CASQ1: variants seen among roughly 807,000 people sequenced by gnomAD.
The protein encoded by CASQ1 is calsequestrin 1.
A neutral mutation model predicts 49.5 loss-of-function variants in CASQ1; 40 were observed. The observed-to-expected ratio is 0.81, with a 90% CI of 0.63 to 1.05. The LOEUF (loss-of-function observed/expected upper bound fraction) is 1.05, where lower values mean the gene tolerates loss of function less well. CASQ1 is among the 50% of genes least tolerant of loss of function. CASQ1 has a pLI of 0.00. For synonymous variants in CASQ1, 174 were observed against 187.2 expected, an observed-to-expected ratio of 0.93 and a Z score of 0.58; for missense variants, 469 against 486.9, an observed-to-expected ratio of 0.96 and a Z score of 0.35.
chr1:160,193,978 A>G, intron 3 of CASQ1, 131 bp downstream of exon 3: 1 of 628,522 alleles, frequency 1.6e-6, no homozygotes, highest in South Asian at 1.7e-5. Context: ...CACACACACC[A>G]TACATACACC....
chr1:160,198,984 T>A lies in CASQ1; in HGVS notation c.915T>A (p.Ala305=), dbSNP rs2101677933. The change falls in exon 9 of 11, where the codon GCT becomes GCA. Residue 305 remains alanine, a synonymous_variant. Transcript: ENST00000368078. ...TCGAGTTCTTAGAGACTCTCAAGGC[T>A]GTGGCCCAAGATAACACTGAAAACC... The part of the protein sequence containing the change: ...DGFEFLETLK[A]VAQDNTENPD... The A allele has an allele frequency of 6.2e-7, 1 of 1,613,206 alleles. No homozygotes were observed. Among genetic ancestry groups the A allele is most frequent in the South Asian group, 1.1e-5 (1 of 91,062 alleles).
chr1:160,201,661 C>A lies in CASQ1; in HGVS notation c.*285C>A. On this transcript the variant is annotated 3_prime_UTR_variant, in exon 11 of 11. Coordinates refer to ENST00000368078, the MANE Select transcript of CASQ1 (RefSeq NM_001231.5). ...TCTTCCATCACTCTCCATACTCTTT[C>A]TTGTGATTCTCCTCTAGCCATATAT... The A allele has an allele frequency of 4.2e-6, 2 of 475,064 alleles. No individual in the cohort carries two copies. The highest frequency in any genetic ancestry group is 7.7e-6 in the Non-Finnish European group (2 of 258,854). The allele number at this position is 475,064 out of a possible 1,614,324, so 29.4% of individuals were successfully genotyped here. A position where few individuals can be genotyped will look rare whatever the true frequency, so the allele number is the denominator to read the frequency against.
intron 4 of CASQ1, 69 bp downstream of exon 4, chr1:160,195,192 A>C: frequency 1.0e-6 from 1 of 976,232 alleles, no homozygotes; most frequent in Non-Finnish European, 1.6e-6. Flanking sequence ...CCACCTCCCC[A>C]CATCACCCAG....
intron 4 of CASQ1, 130 bp from the exon 5 acceptor site, chr1:160,195,331 C>T (rs1054241030): frequency 1.4e-4 from 126 of 877,564 alleles, no homozygotes; most frequent in Admixed American, 3.4e-4. Flanking sequence ...CTTCCCCTCA[C>T]TCTCGAAGAA....
At chr1:160,198,770 G>A (rs374907599) in intron 8 of CASQ1, 39 bp downstream of exon 8, 1 of 1,573,228 alleles carries the variant, frequency 6.4e-7, no homozygotes, top group South Asian at 1.1e-5. Flanking sequence ...AGGGAAGGCA[G>A]GGGGAGGTGG....
intron 2 of CASQ1, 94 bp from the exon 3 acceptor site, chr1:160,193,652 CA>C: frequency 1.3e-6 from 1 of 754,438 alleles, no homozygotes. Flanking sequence ...CGGTGATTAT[CA>C]AACGGGCTGT....
Position 160,194,995 on chromosome 1 carries a change from A to C in CASQ1, c.466-17A>C. 6.7e-7 allele frequency: 1 copy of C among 1,497,650 alleles called. No homozygotes were observed. The highest frequency in any genetic ancestry group is 9.2e-7 in the Non-Finnish European group (1 of 1,091,050). The allele number at this position is 1,497,650 out of a possible 1,614,324, so 92.8% of individuals were successfully genotyped here. A position where few individuals can be genotyped will look rare whatever the true frequency, so the allele number is the denominator to read the frequency against. The stretch of plus-strand genomic sequence containing the variant: ...TGAGGATAGAAACTCTCTTCCTGCA[A>C]TGTCCTCCTCTTTCAGGTCCTAGAG... On this transcript the variant is annotated splice_polypyrimidine_tract_variant and intron_variant, in intron 3 of 10. Transcript: ENST00000368078.
chr1:160,199,124 C>A, intron 9 of CASQ1, 71 bp downstream of exon 9: 1 of 1,020,250 alleles, frequency 9.8e-7, no homozygotes, highest in Non-Finnish European at 1.6e-6. Context: ...TTAGTGAGGG[C>A]TTTGTTTCAG....
At position 160,201,279 on chromosome 1, in the gene CASQ1, A is replaced by C. The variant is rs1480797584; in HGVS notation, c.1094A>C (p.Glu365Ala). The C allele has an allele frequency of 6.2e-7, 1 of 1,613,686 alleles. No individual in the cohort carries two copies. Among genetic ancestry groups the C allele is most frequent in the East Asian group, 2.2e-5 (1 of 44,874 alleles). Residue 365 changes from glutamate (E) to alanine (A), a missense_variant, in exon 11 of 11, where the codon GAG (glutamate) becomes GCG (alanine). Transcript: ENST00000368078. The stretch of plus-strand genomic sequence containing the variant: ...GTATGGATGGAAATGGACGATGAGG[A>C]GGACCTGCCTTCTGCTGAGGAGCTG... ...DSVWMEMDDE[E>A]DLPSAEELED...
chr1:160,193,405 G>A (rs537279891), intron 2 of CASQ1, among the ~76,000 whole-genome samples: 1 of 152,072 alleles, frequency 6.6e-6, no homozygotes, highest in African/African-American at 2.4e-5. Context: ...AGAGGGGGTG[G>A]CATGAATACT....
chr1:160,200,753 A>G (rs1310777052), intron 10 of CASQ1, among the ~76,000 whole-genome samples: 1 of 152,198 alleles, frequency 6.6e-6, no homozygotes, highest in South Asian at 2.1e-4. Flanking sequence ...TCAGGCCTGT[A>G]ATCCCAGCAT....
At chr1:160,194,973 G>A (rs1325923597) in intron 3 of CASQ1, 39 bp from the exon 4 acceptor site, 3 of 1,294,978 alleles carry the variant, frequency 2.3e-6, no homozygotes, top group Non-Finnish European at 2.2e-6. Flanking sequence ...TTCTACTTGA[G>A]GATAGAAACT....
intron 2 of CASQ1, 22 bp downstream of exon 2, chr1:160,192,908 G>A: frequency 6.3e-7 from 1 of 1,598,936 alleles, no homozygotes; most frequent in Non-Finnish European, 8.6e-7. Flanking sequence ...GAGGGCAGGG[G>A]AGGGGAAGGT....
intron 4 of CASQ1, 59 bp downstream of exon 4, chr1:160,195,182 C>A: frequency 9.7e-7 from 1 of 1,028,498 alleles, no homozygotes; most frequent in East Asian, 2.4e-5. Flanking sequence ...ACCTGTCCTC[C>A]CACCTCCCCA....
At chr1:160,200,600 G>A (rs1654347691) in intron 10 of CASQ1, among the ~76,000 whole-genome samples, 1 of 152,198 alleles carries the variant, frequency 6.6e-6, no homozygotes, top group Admixed American at 6.5e-5. Flanking sequence ...TGAGGAAAAA[G>A]CAAGATCAAA....
chr1:160,199,149 C>A, intron 9 of CASQ1, 96 bp downstream of exon 9: 2 of 830,944 alleles, frequency 2.4e-6, no homozygotes, highest in South Asian at 1.4e-5. Context: ...CCCATCCCCA[C>A]CTCCTAGCTG....
At chr1:160,196,071 T>G (rs1654220107) in intron 6 of CASQ1, 44 bp downstream of exon 6, 1 of 1,603,696 alleles carries the variant, frequency 6.2e-7, no homozygotes, top group African/African-American at 1.3e-5. Flanking sequence ...GGCTCCTCCT[T>G]GGGCTAGAAC....
intron 1 of CASQ1, among the ~76,000 whole-genome samples, chr1:160,191,976 T>C (rs887481540): frequency 6.6e-6 from 1 of 152,182 alleles, no homozygotes; most frequent in Non-Finnish European, 1.5e-5. Flanking sequence ...GAGTGCTCAG[T>C]ATCCCTGGCC....
intron 7 of CASQ1, chr1:160,198,436 G>A (rs1032028674): frequency 1.4e-5 from 5 of 349,372 alleles, no homozygotes; most frequent in Middle Eastern, 8.2e-4. Context: ...CCCGGGAGGC[G>A]GAGGTTGCAG....
Sources: gnomAD v4.1 joint callset for allele counts (sites outside exome capture counted in the v4.1 genomes callset) on GRCh38, gnomAD v4.1.1 for gene constraint, MANE v1.5 for transcripts, NCBI Gene and HGNC (gene_info 2026-07-23, HGNC 2026-07-21) for gene names.